PNPO: variants seen among roughly 807,000 people sequenced by gnomAD.
PNPO encodes the protein pyridoxamine 5'-phosphate oxidase, also known as pyridoxine-5'-phosphate oxidase.
Under a neutral mutation model 35.0 loss-of-function variants are expected in PNPO, and 39 were observed. The ratio of observed to expected loss-of-function variants is 1.11; its 90% CI spans 0.86 to 1.45. The LOEUF is 1.45. PNPO is among the 40% of genes most tolerant of loss of function. PNPO has a pLI of 0.00. For missense variants in PNPO, 288 were observed against 340.0 expected (o/e 0.85, Z 1.20); for synonymous variants, 115 against 119.8 (o/e 0.96, Z 0.26).
intron 1 of PNPO, among the ~76,000 whole-genome samples, chr17:47,942,777 T>C (rs2144158948): frequency 6.6e-6 from 1 of 152,190 alleles, no homozygotes; most frequent in Middle Eastern, 3.4e-3. Flanking sequence ...AAAATTAAAA[T>C]TAGTCGAGCA....
At chr17:47,944,534 C>A in intron 2 of PNPO, 82 bp from the exon 3 acceptor site, 1 of 1,078,972 alleles carries the variant, frequency 9.3e-7, no homozygotes, top group Admixed American at 1.7e-5. Context: ...GGAGGGGGTG[C>A]TGAGACATCC....
Position 47,946,319 on chromosome 17 carries a change from A to G in PNPO, c.547-4A>G, listed in dbSNP as rs779979662. The G allele has an allele frequency of 1.9e-6, 3 of 1,608,078 alleles. No homozygotes were observed. The Admixed American group carries it at 5.0e-5, about 27-fold the overall frequency. ...CCCTTCTTCTAACTCTTCCCCCTGG[A>G]CAGTATCTGAGAAAGAAAAATGAGG... On this transcript the variant is annotated splice_polypyrimidine_tract_variant and splice_region_variant and intron_variant, in intron 5 of 6. Transcript: ENST00000642017.
Position 47,941,586 on chromosome 17 carries a change from CG to C in PNPO, c.-86del. The C allele has an allele frequency of 7.0e-7, 1 of 1,420,054 alleles. No individual in the cohort carries two copies. Among genetic ancestry groups the C allele is most frequent in the Non-Finnish European group, 9.3e-7 (1 of 1,079,514 alleles). 88.0% of individuals were successfully genotyped at this position (1,420,054 alleles called of 1,614,324 possible). Reference sequence around the variant, plus strand: ...GGCGACTGGCAAATCCTTCCTTCCCCGGGGTAGAAGTCCAGGGTGAGAAATT... The same window carrying C: ...GGCGACTGGCAAATCCTTCCTTCCCCGGGTAGAAGTCCAGGGTGAGAAATT... On this transcript the variant is annotated 5_prime_UTR_variant, in exon 1 of 7. Coordinates refer to ENST00000642017, the MANE Select transcript of PNPO (RefSeq NM_018129.4).
rs1025645549 is a variant in PNPO, at chr17:47,941,712, G to C, written c.37G>C (p.Gly13Arg). Residue 13 changes from glycine (G) to arginine (R), a missense_variant, in exon 1 of 7, where the codon GGG (glycine) becomes CGG (arginine). Transcript: ENST00000642017. ...GCTGCGGGGCGTCACGGCGACGTTC[G>C]GGCGACCTGCCGAGTGGCCAGGCTA... ...CWLRGVTATF[G>R]RPAEWPGYLS... The C allele has an allele frequency of 6.5e-7, 1 of 1,542,922 alleles. No individual in the cohort carries two copies. Among genetic ancestry groups the C allele is most frequent in the Admixed American group, 2.0e-5 (1 of 50,934 alleles).
In PNPO at chr17:47,945,841, C is replaced by G. The variant is rs772222484; in HGVS notation, c.418-20C>G. On this transcript the variant is annotated intron_variant, in intron 4 of 6. Coordinates refer to ENST00000642017, the MANE Select transcript of PNPO (RefSeq NM_018129.4). This position sits in a 1 kb window ranked among gnomAD's most constrained non-coding sequence, Gnocchi z 4.0. ...GCAGGTGGCATTTAATGCCATTCAC[C>G]CAGAGCCATCCCTGAGCAGGTGCGT... is the stretch of plus-strand genomic sequence containing the variant. 1 of 1,612,402 alleles carries G rather than the reference C, an allele frequency of 6.2e-7. No individual in the cohort carries two copies. Among genetic ancestry groups the G allele is most frequent in the Non-Finnish European group, 8.5e-7 (1 of 1,179,610 alleles).
chr17:47,944,200 CGTGTGTGTGTGTGTGTGT>C (rs3047638), intron 2 of PNPO, among the ~76,000 whole-genome samples: 1 of 142,152 alleles, frequency 7.0e-6, no homozygotes, highest in Admixed American at 7.1e-5. Context: ...CACTGCCTTT[CGTGTGTGTGTGTGTGTGT>C]GTGTGTGTGT....
At chr17:47,941,994 G>T (rs896346250) in intron 1 of PNPO, 181 bp downstream of exon 1, 2 of 1,336,692 alleles carry the variant, frequency 1.5e-6, no homozygotes, top group Non-Finnish European at 1.9e-6. Context: ...CCCACCAGGG[G>T]AGGAGTTCCG....
rs1567714229 is a variant in PNPO at position 47,946,743 on chromosome 17, C to T, written c.747C>T (p.Arg249=). The T allele has an allele frequency of 9.9e-6, 16 of 1,614,152 alleles. No homozygotes were observed. The highest frequency in any genetic ancestry group is 3.3e-5 in the South Asian group (3 of 91,082). ...CCCCTTTGGGGCCCATGACCCACCGCGGGGAGGAAGACTGGCTCTATGAGA... is the reference window on the plus strand; with the variant it reads ...CCCCTTTGGGGCCCATGACCCACCGTGGGGAGGAAGACTGGCTCTATGAGA... ...GDSPLGPMTH[R]GEEDWLYERL... is the part of the protein sequence containing the mutation. Residue 249 remains arginine, a synonymous_variant, in exon 7 of 7, where the codon CGC becomes CGT. Transcript: ENST00000642017.
Position 47,945,606 on chromosome 17 carries a change from C to A in PNPO, c.411C>A (p.Asn137Lys). Residue 137 changes from asparagine to lysine, a missense_variant, in exon 4 of 7, where the codon AAC (asparagine) becomes AAA (lysine). By Grantham distance (94) the Asn-to-Lys change is moderately conservative. Coordinates refer to ENST00000642017, the MANE Select transcript of PNPO (RefSeq NM_018129.4). The surrounding 1 kb of genome is among the most constrained non-coding windows in gnomAD (Gnocchi z 4.0). Reference protein sequence around the residue: ...ASLVFYWEPLNRQVRVEGPVK... With the variant: ...ASLVFYWEPLKRQVRVEGPVK... ...TTGTCTTCTACTGGGAGCCACTTAA[C>A]CGTCAGGTGAGTGAATTTTCCCAGG... 1 of 1,612,676 alleles carries A rather than the reference C, an allele frequency of 6.2e-7. No individual in the cohort carries two copies. The highest frequency in any genetic ancestry group is 8.5e-7 in the Non-Finnish European group (1 of 1,178,664).
chr17:47,942,094 A>C, intron 1 of PNPO: 2 of 1,166,056 alleles, frequency 1.7e-6, no homozygotes, highest in Non-Finnish European at 2.2e-6. Flanking sequence ...TGGAATGTTT[A>C]ATGTATCTGG....
At position 47,941,593 on chromosome 17, in the gene PNPO, G is replaced by T; in HGVS notation, c.-83G>T. On this transcript the variant is annotated 5_prime_UTR_variant, in exon 1 of 7. Coordinates refer to ENST00000642017, the MANE Select transcript of PNPO (RefSeq NM_018129.4). ...GGCAAATCCTTCCTTCCCCGGGGTA[G>T]AAGTCCAGGGTGAGAAATTGGTTCC... The T allele has an allele frequency of 7.0e-7, 1 of 1,432,970 alleles. No individual in the cohort carries two copies. The highest frequency in any genetic ancestry group is 9.2e-7 in the Non-Finnish European group (1 of 1,085,006). 88.8% of individuals were successfully genotyped at this position (1,432,970 alleles called of 1,614,324 possible).
chr17:47,946,169 C>T (rs1752449759), intron 5 of PNPO, 154 bp from the exon 6 acceptor site: 1 of 1,016,090 alleles, frequency 9.8e-7, no homozygotes, highest in Non-Finnish European at 1.5e-6. Context: ...AAATAGGCCT[C>T]CTCTGTCCAT....
At position 47,945,134 on chromosome 17, in the gene PNPO, G is replaced by A. The variant is rs1270166134; in HGVS notation, c.363+419G>A. 3 of 378,162 alleles carry A rather than the reference G, an allele frequency of 7.9e-6. No homozygotes were observed. In the Admixed American group the frequency reaches 1.2e-4, roughly 15 times the overall value. 23.4% of individuals were successfully genotyped at this position (378,162 alleles called of 1,614,324 possible). A position where few individuals can be genotyped will look rare whatever the true frequency, so the allele number is the denominator to read the frequency against. ...GCTCAACAGTAAGCTCTGTAGGAGT[G>A]GAGGCTGCTCTGTTTTATCTCTGCT... On this transcript the variant is annotated intron_variant, in intron 3 of 6. Coordinates refer to ENST00000642017, the MANE Select transcript of PNPO (RefSeq NM_018129.4). This position sits in a 1 kb window ranked among gnomAD's most constrained non-coding sequence, Gnocchi z 4.0.
intron 1 of PNPO, 54 bp downstream of exon 1, chr17:47,941,867 G>A: frequency 1.3e-6 from 2 of 1,521,472 alleles, no homozygotes; most frequent in Non-Finnish European, 1.8e-6. Flanking sequence ...GGGGTCCCCG[G>A]AGTCATCTAC....
At chr17:47,941,848 G>T (rs764794638) in intron 1 of PNPO, 35 bp downstream of exon 1, 9 of 1,535,358 alleles carry the variant, frequency 5.9e-6, no homozygotes, top group Non-Finnish European at 7.9e-6. Context: ...CTGCAGGGGC[G>T]GGGGAAAAGG....
intron 2 of PNPO, among the ~76,000 whole-genome samples, chr17:47,944,200 C>CGTGTGTGTGTGTGTGTGTGT (rs3047638): frequency 5.6e-5 from 8 of 142,150 alleles, no homozygotes; most frequent in African/African-American, 1.9e-4. Context: ...CACTGCCTTT[C>CGTGTGTGTGTGTGTGTGTGT]GTGTGTGTGT....
At chr17:47,946,064 G>GCCAGGAGATGTCC (rs535036009) in intron 5 of PNPO, 75 bp downstream of exon 5, 1 of 1,552,878 alleles carries the variant, frequency 6.4e-7, no homozygotes, top group Non-Finnish European at 8.8e-7. Context: ...CCCAGGAGAT[G>GCCAGGAGATGTCC]CCAGGAGATG....
Position 47,945,192 on chromosome 17 carries a change from A to G in PNPO, c.364-367A>G, listed in dbSNP as rs1009976497. On this transcript the variant is annotated intron_variant, in intron 3 of 6. Coordinates refer to ENST00000642017, the MANE Select transcript of PNPO (RefSeq NM_018129.4). The surrounding 1 kb of genome is among the most constrained non-coding windows in gnomAD (Gnocchi z 4.0). ...CCGCACGTCTCCTGTTGTCAGACCC[A>G]GAGTGGGCACTTCGCGTGCATTCAA... 1.3e-5 allele frequency: 5 copies of G among 388,352 alleles called. No individual in the cohort carries two copies. Among genetic ancestry groups the G allele is most frequent in the Admixed American group, 7.5e-5 (2 of 26,682 alleles). The allele number at this position is 388,352 out of a possible 1,614,324, so 24.1% of individuals were successfully genotyped here.
chr17:47,943,292 A>G lies in PNPO; in HGVS notation c.139-14A>G. 1 of 1,609,172 alleles carries G rather than the reference A, an allele frequency of 6.2e-7. No homozygotes were observed. The highest frequency in any genetic ancestry group is 8.5e-7 in the Non-Finnish European group (1 of 1,175,946). ...TATATATGTTTATTAAATGAAATAA[A>G]TCTCCTTTCCTAGGCATTTGAGGAG... is the stretch of plus-strand genomic sequence containing the variant. On this transcript the variant is annotated splice_polypyrimidine_tract_variant and intron_variant, in intron 1 of 6. Transcript: ENST00000642017.
Sources: gnomAD v4.1 joint callset for allele counts (sites outside exome capture counted in the v4.1 genomes callset) on GRCh38, gnomAD v4.1.1 for gene constraint, Gnocchi (gnomAD v3.1) non-coding constraint, MANE v1.5 for transcripts, NCBI Gene and HGNC (gene_info 2026-07-23, HGNC 2026-07-21) for gene names.